Variants in RALA observed in about 807,000 individuals in gnomAD.
The protein encoded by RALA is ras-related protein Ral-A.
A neutral mutation model predicts 24.0 loss-of-function variants in RALA; 5 were observed. The ratio of observed to expected loss-of-function variants is 0.21; its 90% CI spans 0.11 to 0.44. The LOEUF (loss-of-function observed/expected upper bound fraction) is 0.44. RALA is among the 20% of genes least tolerant of loss of function. The pLI is 0.99. For missense variants in RALA, 95 were observed against 241.2 expected (o/e 0.39, Z 4.01); for synonymous variants, 77 against 83.8 (o/e 0.92, Z 0.44).
Position 39,661,363 on chromosome 7 carries a change from A to G in RALA, c.-37-25268A>G, listed in dbSNP as rs182133654. ...CTTAACTCATTTCAGCATTAACTCA[A>G]AAGTCCACAGTTCAGTCACATCTAG... On this transcript the variant is annotated intron_variant, in intron 1 of 4. Coordinates refer to ENST00000005257, the MANE Select transcript of RALA (RefSeq NM_005402.4). Among the ~76,000 whole-genome samples, 3 of 152,344 alleles carry G rather than the reference A, an allele frequency of 2.0e-5. No individual in the cohort carries two copies. In the East Asian group the frequency reaches 5.8e-4, roughly 29 times the overall value.
intron 1 of RALA, chr7:39,624,369 C>T (rs1417087686): frequency 2.0e-5 from 3 of 148,712 alleles, no homozygotes; most frequent in African/African-American, 7.4e-5. Context: ...TCATTAGACT[C>T]TCCGCACTGA....
At chr7:39,625,702 T>C (rs1216847576) in intron 1 of RALA, among the ~76,000 whole-genome samples, 2 of 152,226 alleles carry the variant, frequency 1.3e-5, no homozygotes, top group African/African-American at 4.8e-5. Flanking sequence ...TTCACAGGGC[T>C]TTCCAAAGGA....
intron 1 of RALA, among the ~76,000 whole-genome samples, chr7:39,668,870 CT>C (rs1368163201): frequency 6.6e-6 from 1 of 150,644 alleles, no homozygotes; most frequent in Non-Finnish European, 1.5e-5. Flanking sequence ...AATTCTAGCA[CT>C]TTAGGAGGCC....
At chr7:39,701,353 A>G (rs113828181) in intron 4 of RALA, among the ~76,000 whole-genome samples, 3,149 of 152,284 alleles carry the variant, frequency 0.021, 123 homozygotes, top group African/African-American at 0.071. Context: ...TCTACAAAAA[A>G]TACAAAAACT....
rs1793136425 is a variant in RALA, at chr7:39,707,378, AATT to A, written c.*1138_*1140del. ...TCATAAAGTTACAGTTTGATACAGG[AATT>A]ATTAGGAGTAATTCTTTTCTGTTTC... is the stretch of plus-strand genomic sequence containing the variant. On this transcript the variant is annotated 3_prime_UTR_variant, in exon 5 of 5. Transcript: ENST00000005257. The A allele has an allele frequency of 1.3e-5, 2 of 152,190 alleles. No homozygotes were observed. The highest frequency in any genetic ancestry group is 4.1e-4 in the South Asian group (2 of 4,830). 9.4% of individuals were successfully genotyped at this position (152,190 alleles called of 1,614,324 possible).
chr7:39,690,279 T>C, intron 2 of RALA, 103 bp from the exon 3 acceptor site: 1 of 936,270 alleles, frequency 1.1e-6, no homozygotes, highest in Non-Finnish European at 1.6e-6. Context: ...TATACAGAAC[T>C]CTTCTTGTAC....
chr7:39,671,100 G>C (rs929164574), intron 1 of RALA, among the ~76,000 whole-genome samples: 14 of 151,282 alleles, frequency 9.3e-5, no homozygotes, highest in African/African-American at 3.2e-4. Context: ...AGATCCATCT[G>C]TCCCACCTCC....
At chr7:39,627,194 C>T (rs1791506552) in intron 1 of RALA, among the ~76,000 whole-genome samples, 1 of 151,674 alleles carries the variant, frequency 6.6e-6, no homozygotes, top group Non-Finnish European at 1.5e-5. Context: ...TTATCGCATT[C>T]ATAAGGATTT....
At chr7:39,681,311 T>C (rs1297401037) in intron 1 of RALA, among the ~76,000 whole-genome samples, 2 of 95,962 alleles carry the variant, frequency 2.1e-5, no homozygotes, top group Non-Finnish European at 4.3e-5. Context: ...CCTTTTTTTT[T>C]TTTTTTTTTT....
intron 2 of RALA, among the ~76,000 whole-genome samples, chr7:39,688,848 C>T (rs1013940469): frequency 2.6e-5 from 4 of 152,124 alleles, no homozygotes; most frequent in Non-Finnish European, 5.9e-5. Context: ...TTAATTGACT[C>T]ACAGTTCCAC....
intron 1 of RALA, among the ~76,000 whole-genome samples, chr7:39,677,109 G>A (rs1046428634): frequency 1.3e-5 from 2 of 152,258 alleles, no homozygotes; most frequent in South Asian, 2.1e-4. Flanking sequence ...TATGGCCACA[G>A]AAGCAGAGTG....
intron 3 of RALA, 143 bp from the exon 4 acceptor site, chr7:39,696,542 G>C: frequency 1.4e-5 from 9 of 630,026 alleles, no homozygotes; most frequent in Non-Finnish European, 2.3e-5. Flanking sequence ...TGCTAATACT[G>C]TATCGATATT....
intron 1 of RALA, among the ~76,000 whole-genome samples, chr7:39,647,193 C>T (rs1791940937): frequency 6.6e-6 from 1 of 152,150 alleles, no homozygotes; most frequent in South Asian, 2.1e-4. Flanking sequence ...CAGGCATGTG[C>T]CAGCATGCCC....
intron 1 of RALA, among the ~76,000 whole-genome samples, chr7:39,642,956 A>G (rs1368850117): frequency 6.6e-6 from 1 of 152,252 alleles, no homozygotes; most frequent in Non-Finnish European, 1.5e-5. Flanking sequence ...CAAACTTCTG[A>G]AAATAACACT....
chr7:39,673,754 A>G (rs562897152), intron 1 of RALA, among the ~76,000 whole-genome samples: 20 of 152,240 alleles, frequency 1.3e-4, no homozygotes, highest in African/African-American at 4.8e-4. Context: ...GTGCCAAGTA[A>G]GAGTGATGCT....
intron 1 of RALA, among the ~76,000 whole-genome samples, chr7:39,662,563 G>A (rs1019215513): frequency 6.6e-6 from 1 of 152,116 alleles, no homozygotes; most frequent in African/African-American, 2.4e-5. Context: ...AAAATTCTCA[G>A]TCTCTTTGCT....
chr7:39,628,935 T>C (rs1376828618), intron 1 of RALA, among the ~76,000 whole-genome samples: 9 of 152,246 alleles, frequency 5.9e-5, no homozygotes, highest in African/African-American at 1.9e-4. Context: ...TGTGAAAAGA[T>C]AAAATACATA....
intron 1 of RALA, among the ~76,000 whole-genome samples, chr7:39,645,031 T>G (rs188746569): frequency 5.3e-5 from 8 of 152,330 alleles, no homozygotes; most frequent in Admixed American, 5.2e-4. Context: ...TTCTTTACAG[T>G]GATGGATTAA....
At chr7:39,704,375 T>G (rs1439549209) in intron 4 of RALA, among the ~76,000 whole-genome samples, 3 of 150,268 alleles carry the variant, frequency 2.0e-5, no homozygotes, top group South Asian at 2.1e-4. Context: ...AGGCTGGAGT[T>G]CAGTGGCACG....
Sources: gnomAD v4.1 joint callset for allele counts (sites outside exome capture counted in the v4.1 genomes callset) on GRCh38, gnomAD v4.1.1 for gene constraint, MANE v1.5 for transcripts, NCBI Gene and HGNC (gene_info 2026-07-23, HGNC 2026-07-21) for gene names.